Variants in KMT2E observed in about 807,000 individuals in gnomAD.
KMT2E encodes histone reader KMT2E.
In KMT2E, 30 loss-of-function variants were observed where a neutral mutation model predicts 184.6. That is an observed-to-expected ratio of 0.16 (90% CI 0.12 to 0.22). The LOEUF (loss-of-function observed/expected upper bound fraction) is 0.22, where lower values mean the gene tolerates loss of function less well. Ranked by LOEUF, KMT2E falls within the 10% of genes least tolerant of loss-of-function variation. The pLI, the probability that KMT2E is intolerant of heterozygous loss-of-function variation, is 1.00. For synonymous variants in KMT2E, 815 were observed against 776.5 expected (o/e 1.05, Z -0.82); for missense variants, 2,023 against 2,237.4 (o/e 0.90, Z 1.93).
chr7:105,102,077 T>C lies in KMT2E; in HGVS notation c.2079T>C (p.Ile693=), dbSNP rs1798678944. 4.3e-6 allele frequency: 7 copies of C among 1,613,840 alleles called. No homozygotes were observed. Among genetic ancestry groups the C allele is most frequent in the Non-Finnish European group, 5.9e-6 (7 of 1,179,796 alleles). ...AAGTTACTTCACAACAAAATGATAT[T>C]GAAAATACTGTACTTACAATAGAAC... is the stretch of plus-strand genomic sequence containing the variant. The part of the protein sequence containing the change: ...DIEVTSQQND[I]ENTVLTIEPE... The change falls in exon 17 of 27, where the codon ATT becomes ATC. Residue 693 remains isoleucine (I), a synonymous_variant. Transcript: ENST00000311117.
At chr7:105,053,493 T>A (rs1796429994) in intron 3 of KMT2E, among the ~76,000 whole-genome samples, 1 of 152,208 alleles carries the variant, frequency 6.6e-6, no homozygotes, top group Non-Finnish European at 1.5e-5. Context: ...TATATAATAA[T>A]TTTATTCTCT....
In KMT2E at chr7:105,041,720, T is replaced by G. The variant is rs79326529; in HGVS notation, c.71+697T>G. Reference sequence around the variant, plus strand: ...AGCCGGTGCTCGGGTATTTTTAGTTTGAATTTGTATAATTGAAGATTCTAA... The same window carrying G: ...AGCCGGTGCTCGGGTATTTTTAGTTGGAATTTGTATAATTGAAGATTCTAA... On this transcript the variant is annotated intron_variant, in intron 3 of 26. Coordinates refer to ENST00000311117, the MANE Select transcript of KMT2E (RefSeq NM_182931.3). Among the ~76,000 whole-genome samples, 457 of 152,316 alleles carry G rather than the reference T, an allele frequency of 3.0e-3. 15 individuals carry two copies. In the East Asian group the frequency reaches 0.062, roughly 21 times the overall value.
Position 105,040,886 on chromosome 7 carries a change from T to G in KMT2E, c.-67T>G. Reference sequence around the variant, plus strand: ...TTTGCAATGAGCACTGTGGCTGGCATGCCCCAGTGTTTTGGATACCAATGC... The same window carrying G: ...TTTGCAATGAGCACTGTGGCTGGCAGGCCCCAGTGTTTTGGATACCAATGC... On this transcript the variant is annotated 5_prime_UTR_variant, in exon 3 of 27. The change abolishes an upstream ATG in the 5' untranslated region. Transcript: ENST00000311117. The G allele has an allele frequency of 8.8e-7, 1 of 1,137,192 alleles. No individual in the cohort carries two copies. Among genetic ancestry groups the G allele is most frequent in the Non-Finnish European group, 1.3e-6 (1 of 762,690 alleles). The allele number at this position is 1,137,192 out of a possible 1,614,324, so 70.4% of individuals were successfully genotyped here. A position where few individuals can be genotyped will look rare whatever the true frequency, so the allele number is the denominator to read the frequency against.
chr7:105,086,907 AT>A (rs1797992919), intron 13 of KMT2E, among the ~76,000 whole-genome samples: 1 of 76,240 alleles, frequency 1.3e-5, no homozygotes, highest in South Asian at 3.6e-4. Context: ...TATATTATAT[AT>A]TATATAGCAT....
chr7:105,027,909 T>C (rs577455344), intron 1 of KMT2E, among the ~76,000 whole-genome samples: 1 of 152,276 alleles, frequency 6.6e-6, no homozygotes, highest in South Asian at 2.1e-4. Flanking sequence ...ATAGTAAATA[T>C]TTTAAATACA....
intron 5 of KMT2E, among the ~76,000 whole-genome samples, chr7:105,066,293 C>T (rs566686580): frequency 3.9e-5 from 6 of 152,062 alleles, no homozygotes; most frequent in Non-Finnish European, 8.8e-5. Flanking sequence ...ATATGTTGAG[C>T]GCCTTGTGGC....
rs1471605387 is a variant in KMT2E, at chr7:105,112,452, T to C, written c.4696T>C (p.Phe1566Leu). The part of the protein sequence containing the change: ...YYQNQQPSAN[F>L]QNYNQLKGSL... The stretch of plus-strand genomic sequence containing the variant: ...TCAAAACCAGCAGCCCTCTGCAAAC[T>C]TTCAGAATTATAATCAGCTCAAAGG... Residue 1566 changes from phenylalanine (F) to leucine (L), a missense_variant, in exon 27 of 27, where the codon TTT becomes CTT. Transcript: ENST00000311117. The C allele has an allele frequency of 1.2e-6, 2 of 1,613,592 alleles. No individual in the cohort carries two copies. Among genetic ancestry groups the C allele is most frequent in the Admixed American group, 3.3e-5 (2 of 59,990 alleles).
rs776259377 is a variant in KMT2E, at chr7:105,110,795, C to A, written c.3995C>A (p.Pro1332His). The change falls in exon 26 of 27, where the codon CCC (proline) becomes CAC (histidine). Residue 1332 changes from proline (P) to histidine (H), a missense_variant. Pro to His is a moderately conservative substitution (Grantham distance 77). Transcript: ENST00000311117. ...MEDPDPENPE[P>H]TTTNECPSPD... ...GACCCTGATCCTGAAAATCCAGAAC[C>A]CACAACTACGAATGAATGTCCATCC... is the stretch of plus-strand genomic sequence containing the variant. 15 of 1,614,010 alleles carry A rather than the reference C, an allele frequency of 9.3e-6. No homozygotes were observed. The highest frequency in any genetic ancestry group is 1.3e-5 in the Non-Finnish European group (15 of 1,179,926).
chr7:105,063,896 T>C (rs1013814992), intron 5 of KMT2E: 2 of 448,734 alleles, frequency 4.5e-6, no homozygotes, highest in Admixed American at 5.5e-5. Context: ...TGAGAGAATT[T>C]AGTCTTTTGT....
intron 15 of KMT2E, among the ~76,000 whole-genome samples, chr7:105,093,031 C>CA (rs943926968): frequency 8.5e-5 from 13 of 152,138 alleles, no homozygotes; most frequent in Admixed American, 2.0e-4. Context: ...CTCATCTGTA[C>CA]AAAAAATTTA....
rs868051612 is a variant in KMT2E, at chr7:105,107,445, G to C, written c.2988G>C (p.Lys996Asn). 1 of 1,613,748 alleles carries C rather than the reference G, an allele frequency of 6.2e-7. No homozygotes were observed. Among genetic ancestry groups the C allele is most frequent in the Non-Finnish European group, 8.5e-7 (1 of 1,179,878 alleles). ...NLTELGLQEI[K>N]TIGYTSPRSR... Reference sequence around the variant, plus strand: ...CTGAACTGGGTCTGCAAGAAATAAAGACTATTGGTTATACGAGCCCTAGGA... The same window carrying C: ...CTGAACTGGGTCTGCAAGAAATAAACACTATTGGTTATACGAGCCCTAGGA... Residue 996 changes from lysine (K) to asparagine (N), a missense_variant, in exon 22 of 27, where the codon AAG becomes AAC. Lys to Asn is a moderately conservative substitution (Grantham distance 94, BLOSUM62 0). Transcript: ENST00000311117.
At position 105,040,965 on chromosome 7, in the gene KMT2E, A is replaced by T. The variant is rs891241557; in HGVS notation, c.13A>T (p.Ile5Phe). 3 of 1,611,040 alleles carry T rather than the reference A, an allele frequency of 1.9e-6. No homozygotes were observed. In the African/African-American group the frequency reaches 4.0e-5, roughly 22 times the overall value. Residue 5 changes from isoleucine (I) to phenylalanine (F), a missense_variant, in exon 3 of 27, where the codon ATC becomes TTC. Ile to Phe is a conservative substitution (Grantham distance 21, BLOSUM62 0). This residue lies in a region of KMT2E where 63 missense variants were observed against 68.9 expected (regional missense o/e 0.91). Transcript: ENST00000311117. MSIV[I>F]PLGVDTAETS... ...AGAGGCGAACGTCATGAGCATAGTG[A>T]TCCCATTGGGGGTTGATACAGCAGA...
intron 1 of KMT2E, among the ~76,000 whole-genome samples, chr7:105,028,581 T>C (rs1795269170): frequency 6.6e-6 from 1 of 152,140 alleles, no homozygotes. Context: ...AACCTCCACC[T>C]CCCAGGCTCA....
intron 3 of KMT2E, among the ~76,000 whole-genome samples, chr7:105,060,298 A>G (rs2129567008): frequency 6.6e-6 from 1 of 152,266 alleles, no homozygotes; most frequent in South Asian, 2.1e-4. Flanking sequence ...AAGTACAGTC[A>G]TGCACACATA....
intron 13 of KMT2E, among the ~76,000 whole-genome samples, chr7:105,084,928 G>A (rs1797901433): frequency 6.6e-6 from 1 of 152,146 alleles, no homozygotes. Context: ...GTCTGTATGT[G>A]TGTGCATAGG....
At chr7:105,047,643 A>G (rs1322080017) in intron 3 of KMT2E, among the ~76,000 whole-genome samples, 1 of 152,246 alleles carries the variant, frequency 6.6e-6, no homozygotes, top group Non-Finnish European at 1.5e-5. Context: ...TTCTTCTCAA[A>G]GATGTGAAAA....
At chr7:105,020,860 A>C (rs181387799) in intron 1 of KMT2E, among the ~76,000 whole-genome samples, 1 of 152,244 alleles carries the variant, frequency 6.6e-6, no homozygotes. Context: ...TGAAAAGAAA[A>C]GAATTAACCA....
intron 9 of KMT2E, among the ~76,000 whole-genome samples, chr7:105,076,461 T>A (rs944683727): frequency 1.3e-5 from 2 of 152,230 alleles, no homozygotes; most frequent in Non-Finnish European, 2.9e-5. Context: ...AGAGAGTTAG[T>A]CAAGTCAGTT....
At chr7:105,021,540 A>G (rs1794952390) in intron 1 of KMT2E, among the ~76,000 whole-genome samples, 1 of 152,232 alleles carries the variant, frequency 6.6e-6, no homozygotes, top group Non-Finnish European at 1.5e-5. Flanking sequence ...GGGAAATCTC[A>G]CATAATTTAT....
Sources: gnomAD v4.1 joint callset for allele counts (sites outside exome capture counted in the v4.1 genomes callset) on GRCh38, gnomAD v4.1.1 for gene constraint, gnomAD v4.1.1 regional missense constraint, MANE v1.5 for transcripts, NCBI Gene and HGNC (gene_info 2026-07-23, HGNC 2026-07-21) for gene names.